CYP20A1: variants seen among roughly 807,000 people sequenced by gnomAD.
The protein encoded by CYP20A1 is cytochrome P450 20A1.
A neutral mutation model predicts 61.4 loss-of-function variants in CYP20A1; 61 were observed. The ratio of observed to expected loss-of-function variants is 0.99; its 90% confidence interval spans 0.81 to 1.23. The LOEUF is 1.23. Among genes scored for constraint, CYP20A1 ranks in the 50% most tolerant of loss-of-function variants. CYP20A1 has a pLI of 0.00. For missense variants in CYP20A1, 530 were observed against 542.4 expected (o/e 0.98, Z 0.23); for synonymous variants, 193 against 188.2 (o/e 1.03, Z -0.21).
At chr2:203,274,237 G>A (rs1174162997) in intron 6 of CYP20A1, among the ~76,000 whole-genome samples, 1 of 149,614 alleles carries the variant, frequency 6.7e-6, no homozygotes, top group African/African-American at 2.5e-5. Context: ...CCAGACTGGA[G>A]TGCAGTGGTG....
In CYP20A1 at chr2:203,263,305, A is replaced by G. The variant is rs544064479; in HGVS notation, c.433-3209A>G. On this transcript the variant is annotated intron_variant, in intron 4 of 12. Transcript: ENST00000356079. Reference sequence around the variant, plus strand: ...CGCCTGGCTTTTTTTTTTTTTTTAAATTTTAGGCGGAGTCTCCCTCTGTCG... The same window carrying G: ...CGCCTGGCTTTTTTTTTTTTTTTAAGTTTTAGGCGGAGTCTCCCTCTGTCG... Among the ~76,000 whole-genome samples, 73 of 113,464 alleles carry G rather than the reference A, an allele frequency of 6.4e-4. 1 individual carries two copies. The highest frequency in any genetic ancestry group is 2.5e-3 in the African/African-American group (70 of 28,242). 74.4% of individuals were successfully genotyped at this position (113,464 alleles called of 152,430 possible).
intron 5 of CYP20A1, among the ~76,000 whole-genome samples, chr2:203,270,290 T>C (rs1036833265): frequency 1.3e-5 from 2 of 152,168 alleles, no homozygotes; most frequent in African/African-American, 4.8e-5. Context: ...CATATTTTTA[T>C]ACTTTTGTTA....
At chr2:203,288,504 C>T (rs1377541238) in intron 9 of CYP20A1, among the ~76,000 whole-genome samples, 1 of 152,116 alleles carries the variant, frequency 6.6e-6, no homozygotes, top group Non-Finnish European at 1.5e-5. Flanking sequence ...CAATCTGCCT[C>T]CCCACTGCCA....
chr2:203,251,817 A>AT (rs34111991), intron 3 of CYP20A1, 150 bp from the exon 4 acceptor site: 42,307 of 94,656 alleles, frequency 0.45, 12,034 homozygotes, highest in East Asian at 0.68. Flanking sequence ...ATATATATAT[A>AT]AAAAATAAAA....
intron 4 of CYP20A1, among the ~76,000 whole-genome samples, chr2:203,264,474 G>A (rs2067251818): frequency 6.6e-6 from 1 of 152,010 alleles, no homozygotes; most frequent in Admixed American, 6.6e-5. Flanking sequence ...TTCAGTTAGT[G>A]TTTAATGTTT....
chr2:203,290,319 A>C (rs2068480018), intron 10 of CYP20A1, among the ~76,000 whole-genome samples: 1 of 152,190 alleles, frequency 6.6e-6, no homozygotes, highest in Non-Finnish European at 1.5e-5. Context: ...TATTTTAGTT[A>C]CAAAATAATA....
At chr2:203,251,352 AT>A (rs140388938) in intron 3 of CYP20A1, among the ~76,000 whole-genome samples, 11 of 151,994 alleles carry the variant, frequency 7.2e-5, no homozygotes, top group Non-Finnish European at 1.6e-4. Context: ...TTTTAAAAAA[AT>A]TTGAAGACAT....
chr2:203,289,915 C>A, intron 10 of CYP20A1, 39 bp downstream of exon 10: 1 of 1,062,354 alleles, frequency 9.4e-7, no homozygotes, highest in South Asian at 1.4e-5. Flanking sequence ...TTCAGCTATT[C>A]TCAACTCTTT....
intron 3 of CYP20A1, among the ~76,000 whole-genome samples, chr2:203,249,875 A>G (rs1265517863): frequency 6.6e-6 from 1 of 152,148 alleles, no homozygotes; most frequent in African/African-American, 2.4e-5. Flanking sequence ...TTTTAGAAAA[A>G]TGGGCAAAAA....
chr2:203,256,299 C>A (rs891057743), intron 4 of CYP20A1, among the ~76,000 whole-genome samples: 3 of 151,994 alleles, frequency 2.0e-5, no homozygotes, highest in Middle Eastern at 3.4e-3. Context: ...ATCATAACAC[C>A]CCGTGCCTTT....
chr2:203,263,178 G>A (rs1179314426), intron 4 of CYP20A1, among the ~76,000 whole-genome samples: 1 of 149,650 alleles, frequency 6.7e-6, no homozygotes, highest in Non-Finnish European at 1.5e-5. Context: ...TAGTAGAGAC[G>A]GGATTTCACC....
At chr2:203,268,300 C>T (rs1283912514) in intron 5 of CYP20A1, among the ~76,000 whole-genome samples, 1 of 152,182 alleles carries the variant, frequency 6.6e-6, no homozygotes, top group Non-Finnish European at 1.5e-5. Context: ...TTCTCAGTCT[C>T]CTCCCCTCCA....
At position 203,290,736 on chromosome 2, in the gene CYP20A1, G is replaced by A. The variant is rs183601434; in HGVS notation, c.1083+860G>A. On this transcript the variant is annotated intron_variant, in intron 10 of 12. Transcript: ENST00000356079. ...TGGCTCACTGCAACCTCCGCCTCCC[G>A]AGTTCAAGTGATTCTCCTGCCTCAG... 6.5e-3 allele frequency among the ~76,000 whole-genome samples: 989 copies of A among 152,114 alleles called. 7 individuals carry two copies. The highest frequency in any genetic ancestry group is 9.8e-3 in the Non-Finnish European group (669 of 67,982).
At chr2:203,292,225 G>C (rs771024662) in intron 10 of CYP20A1, 37 bp from the exon 11 acceptor site, 9 of 1,459,612 alleles carry the variant, frequency 6.2e-6, no homozygotes, top group Middle Eastern at 1.8e-4. Context: ...TTTTATCTCT[G>C]TTAGTCCTTG....
chr2:203,302,785 C>A lies in CYP20A1; in HGVS notation c.*5877C>A, dbSNP rs1329757026. Among the ~76,000 whole-genome samples the A allele has an allele frequency of 6.6e-6, 1 of 152,002 alleles. No homozygotes were observed. Among genetic ancestry groups the A allele is most frequent in the Admixed American group, 6.6e-5 (1 of 15,236 alleles). On this transcript the variant is annotated 3_prime_UTR_variant, in exon 13 of 13. Transcript: ENST00000356079. ...TCGGCTCACTGCAACCTCTGCCTCC[C>A]AGGTTCAAGCGATTCTCTTGCCTCA...
At chr2:203,276,696 G>A (rs1049169650) in intron 6 of CYP20A1, among the ~76,000 whole-genome samples, 1 of 152,146 alleles carries the variant, frequency 6.6e-6, no homozygotes, top group Admixed American at 6.6e-5. Context: ...GGATTTGGGG[G>A]AAAGCTCAAG....
At chr2:203,244,259 T>C (rs185102664) in intron 1 of CYP20A1, among the ~76,000 whole-genome samples, 15 of 152,208 alleles carry the variant, frequency 9.9e-5, no homozygotes, top group Admixed American at 2.6e-4. Flanking sequence ...TGAAGTGCAG[T>C]GGTGCAATCA....
intron 6 of CYP20A1, among the ~76,000 whole-genome samples, chr2:203,276,576 C>T (rs989929056): frequency 2.3e-4 from 35 of 151,792 alleles, no homozygotes; most frequent in Admixed American, 2.6e-4. Flanking sequence ...CCAACACTGG[C>T]TGACAGATTA....
intron 4 of CYP20A1, 107 bp downstream of exon 4, chr2:203,252,216 TC>T: frequency 1.2e-6 from 1 of 822,454 alleles, no homozygotes; most frequent in Non-Finnish European, 1.7e-6. Flanking sequence ...TTCCTGTCCC[TC>T]TAAGCTAATT....
Sources: gnomAD v4.1 joint callset for allele counts (sites outside exome capture counted in the v4.1 genomes callset) on GRCh38, gnomAD v4.1.1 for gene constraint, MANE v1.5 for transcripts, NCBI Gene and HGNC (gene_info 2026-07-23, HGNC 2026-07-21) for gene names.